TRAP1: variants seen among roughly 807,000 people sequenced by gnomAD.
The protein encoded by TRAP1 is TNF receptor associated protein 1, also known as heat shock protein 75 kDa, mitochondrial.
A neutral mutation model predicts 89.1 loss-of-function variants in TRAP1; 102 were observed. The ratio of observed to expected loss-of-function variants is 1.15; its 90% confidence interval spans 0.98 to 1.35. TRAP1 has a LOEUF of 1.35. Ranked by LOEUF, TRAP1 falls within the 40% of genes most tolerant of loss-of-function variation. The pLI, the probability that TRAP1 is intolerant of heterozygous loss-of-function variation, is 0.00. For synonymous variants in TRAP1, 508 were observed against 388.0 expected, an observed-to-expected ratio of 1.31 and a Z score of -3.64; for missense variants, 1,256 against 945.3, an observed-to-expected ratio of 1.33 and a Z score of -4.31.
chr16:3,676,448 G>A (rs1248987003), intron 6 of TRAP1: 2 of 211,784 alleles, frequency 9.4e-6, no homozygotes, highest in Non-Finnish European at 1.9e-5. Context: ...GCAGGCCTGG[G>A]GCACTGTGGG....
At chr16:3,688,501 G>C (rs567962754) in intron 3 of TRAP1, among the ~76,000 whole-genome samples, 18 of 151,898 alleles carry the variant, frequency 1.2e-4, no homozygotes, top group Non-Finnish European at 1.6e-4. Flanking sequence ...TTTTTTTTTG[G>C]AGAGAGGGTC....
chr16:3,680,423 C>A (rs991508791), intron 4 of TRAP1, among the ~76,000 whole-genome samples: 3 of 152,242 alleles, frequency 2.0e-5, no homozygotes, highest in African/African-American at 7.2e-5. Context: ...CACGCCTTCT[C>A]CCTGGCTGTG....
At chr16:3,700,783 A>C (rs895336015) in intron 1 of TRAP1, among the ~76,000 whole-genome samples, 2 of 152,154 alleles carry the variant, frequency 1.3e-5, no homozygotes, top group Admixed American at 1.3e-4. Context: ...CATATTTCAA[A>C]CACCAGAGTA....
intron 9 of TRAP1, among the ~76,000 whole-genome samples, chr16:3,673,081 G>A (rs1013803121): frequency 4.7e-5 from 7 of 150,088 alleles, no homozygotes; most frequent in Admixed American, 2.0e-4. Flanking sequence ...AACCTTGCAC[G>A]TACCCCTGAA....
At chr16:3,662,325 T>C (rs781310471) in intron 15 of TRAP1, 193 bp from the exon 16 acceptor site, 5 of 695,804 alleles carry the variant, frequency 7.2e-6, no homozygotes, top group Non-Finnish European at 1.2e-5. Flanking sequence ...CACGCAAAGA[T>C]ACTGTGCCCG....
At chr16:3,673,747 G>A (rs757090076) in intron 9 of TRAP1, among the ~76,000 whole-genome samples, 2 of 152,226 alleles carry the variant, frequency 1.3e-5, no homozygotes, top group Non-Finnish European at 2.9e-5. Context: ...CCTGGGGGCA[G>A]GACGGGCTGG....
rs1346068962 is a variant in TRAP1 at position 3,669,827 on chromosome 16, C to T, written c.1235+1895G>A. On this transcript the variant is annotated intron_variant, in intron 11 of 17. Coordinates refer to ENST00000246957, the MANE Select transcript of TRAP1 (RefSeq NM_016292.3). ...CAGCCTGGGCAACAGACCAAGACTC[C>T]GTCTCAAAAAAAAAAAAAAAAAAAA... 2.8e-4 allele frequency among the ~76,000 whole-genome samples: 26 copies of T among 93,884 alleles called. 1 individual carries two copies. The highest frequency in any genetic ancestry group is 8.7e-4 in the Admixed American group (7 of 8,044). The allele number at this position is 93,884 out of a possible 152,430, so 61.6% of individuals were successfully genotyped here. A position where few individuals can be genotyped will look rare whatever the true frequency, so the allele number is the denominator to read the frequency against.
intron 6 of TRAP1, among the ~76,000 whole-genome samples, 188 bp downstream of exon 6, chr16:3,677,310 C>G (rs1439647917): frequency 6.6e-6 from 1 of 152,090 alleles, no homozygotes; most frequent in Non-Finnish European, 1.5e-5. Flanking sequence ...CCACATGGGA[C>G]CAGACAGGTG....
At chr16:3,708,701 G>A (rs912884800) in intron 1 of TRAP1, among the ~76,000 whole-genome samples, 1 of 149,618 alleles carries the variant, frequency 6.7e-6, no homozygotes, top group African/African-American at 2.4e-5. Context: ...CTGTAATCCC[G>A]GCTACTTGTG....
chr16:3,664,070 C>CA (rs1014930956), intron 13 of TRAP1: 8 of 570,286 alleles, frequency 1.4e-5, no homozygotes, highest in South Asian at 1.4e-4. Flanking sequence ...CTCAAAAAAA[C>CA]AAAAAACAAA....
chr16:3,675,818 G>A (rs576698259), intron 7 of TRAP1, among the ~76,000 whole-genome samples: 2 of 152,196 alleles, frequency 1.3e-5, no homozygotes, highest in Non-Finnish European at 2.9e-5. Context: ...GAGGAGGTCC[G>A]CCTCAGCCAG....
At chr16:3,672,572 C>T in intron 10 of TRAP1, 128 bp downstream of exon 10, 2 of 1,397,546 alleles carry the variant, frequency 1.4e-6, no homozygotes, top group African/African-American at 1.4e-5. Context: ...GACACACAGG[C>T]AGCGCAGGCC....
chr16:3,684,318 C>G (rs2051111309), intron 4 of TRAP1, among the ~76,000 whole-genome samples: 1 of 152,150 alleles, frequency 6.6e-6, no homozygotes. Flanking sequence ...TCAAGCTAGA[C>G]AGTGATAAAT....
At chr16:3,706,246 A>T (rs947606202) in intron 1 of TRAP1, among the ~76,000 whole-genome samples, 19 of 152,022 alleles carry the variant, frequency 1.2e-4, no homozygotes, top group Non-Finnish European at 2.1e-4. Context: ...GAGCCACTGC[A>T]CCAGGCCCAG....
At chr16:3,673,057 G>A (rs746475505) in intron 9 of TRAP1, among the ~76,000 whole-genome samples, 1 of 152,084 alleles carries the variant, frequency 6.6e-6, no homozygotes, top group Non-Finnish European at 1.5e-5. Context: ...CCCTAAGGAG[G>A]ACACAAGAGA....
intron 16 of TRAP1, chr16:3,659,183 G>C: frequency 7.4e-6 from 2 of 270,752 alleles, no homozygotes; most frequent in Non-Finnish European, 1.4e-5. Flanking sequence ...AAGGGAGTAA[G>C]ACCCACATGT....
At chr16:3,697,935 T>C (rs1317723454) in intron 1 of TRAP1, among the ~76,000 whole-genome samples, 5 of 151,446 alleles carry the variant, frequency 3.3e-5, no homozygotes, top group Non-Finnish European at 4.4e-5. Context: ...ATTGCAGGTG[T>C]GCACCACCAT....
chr16:3,682,476 G>A (rs754161891), intron 4 of TRAP1, among the ~76,000 whole-genome samples: 16 of 151,398 alleles, frequency 1.1e-4, no homozygotes, highest in Admixed American at 7.9e-4. Flanking sequence ...TGCACCTTCC[G>A]CCTCCCGAGT....
In TRAP1 at chr16:3,671,754, G is replaced by A. The variant is rs1156549875; in HGVS notation, c.1203C>T (p.Ser401=). The A allele has an allele frequency of 1.1e-5, 18 of 1,613,204 alleles. No homozygotes were observed. The highest frequency in any genetic ancestry group is 1.5e-5 in the Non-Finnish European group (18 of 1,180,024). ...VDSEDIPLNL[S]RELLQESALI... ...GTGCGCTCTCCTGCAGCAGCTCCCG[G>A]CTGAGGTTCAGGGGAATGTCCTCAC... Residue 401 remains serine (S), a synonymous_variant, in exon 11 of 18, where the codon AGC becomes AGT. Coordinates refer to ENST00000246957, the MANE Select transcript of TRAP1 (RefSeq NM_016292.3).
Sources: allele counts gnomAD v4.1 joint callset (sites outside exome capture counted in the v4.1 genomes callset), GRCh38; gene constraint gnomAD v4.1.1; transcripts MANE v1.5; gene names NCBI Gene and HGNC (gene_info 2026-07-23, HGNC 2026-07-21).